The following PCMTD1 variants were observed in gnomAD, a reference collection of about 807,000 sequenced individuals.
PCMTD1 encodes the protein protein-L-isoaspartate (D-aspartate) O-methyltransferase domain containing 1.
Under a neutral mutation model 37.6 loss-of-function variants are expected in PCMTD1, and 12 were observed. The ratio of observed to expected loss-of-function variants is 0.32; its 90% confidence interval spans 0.20 to 0.52. The LOEUF is 0.52. Among genes scored for constraint, PCMTD1 ranks in the 20% least tolerant of loss-of-function variants. PCMTD1 has a pLI of 0.97. For synonymous variants in PCMTD1, 117 were observed against 135.8 expected, an observed-to-expected ratio of 0.86 and a Z score of 0.96; for missense variants, 235 against 421.3, an observed-to-expected ratio of 0.56 and a Z score of 3.87.
At chr8:51,888,740 T>C (rs755284775) in intron 1 of PCMTD1, among the ~76,000 whole-genome samples, 4 of 152,222 alleles carry the variant, frequency 2.6e-5, no homozygotes, top group Admixed American at 6.5e-5. Flanking sequence ...AAAATACTCC[T>C]TTAAGTTGCA....
intron 1 of PCMTD1, among the ~76,000 whole-genome samples, chr8:51,875,067 CA>C (rs1433501900): frequency 1.3e-5 from 2 of 151,914 alleles, no homozygotes; most frequent in Non-Finnish European, 2.9e-5. Flanking sequence ...AATACAAGGC[CA>C]AAAAGATCTA....
intron 1 of PCMTD1, among the ~76,000 whole-genome samples, chr8:51,880,891 T>C (rs2038781382): frequency 1.3e-5 from 2 of 152,250 alleles, no homozygotes; most frequent in Non-Finnish European, 2.9e-5. Flanking sequence ...TTTGTTCCAA[T>C]ACAATTTTAT....
In PCMTD1 at chr8:51,847,198, A is replaced by T. The variant is rs371068118; in HGVS notation, c.308-1435T>A. On this transcript the variant is annotated intron_variant, in intron 2 of 5. Transcript: ENST00000522514. ...ATTTTTATATTCAAAATAATAAAGC[A>T]GCCAAAAAATTAAACTTAGAAAAGC... Among the ~76,000 whole-genome samples, 8 of 152,364 alleles carry T rather than the reference A, an allele frequency of 5.3e-5. No homozygotes were observed. In the East Asian group the frequency reaches 7.7e-4, roughly 15 times the overall value.
chr8:51,877,453 A>G (rs2038728808), intron 1 of PCMTD1, among the ~76,000 whole-genome samples: 1 of 152,258 alleles, frequency 6.6e-6, no homozygotes, highest in Admixed American at 6.5e-5. Context: ...TGGATTCAGT[A>G]TAAGCATGCT....
intron 1 of PCMTD1, among the ~76,000 whole-genome samples, chr8:51,895,088 C>T (rs570333069): frequency 6.6e-6 from 1 of 152,062 alleles, no homozygotes; most frequent in African/African-American, 2.4e-5. Flanking sequence ...GTTGAAACCA[C>T]GGATCTGTGT....
intron 2 of PCMTD1, among the ~76,000 whole-genome samples, chr8:51,850,499 A>G (rs868809819): frequency 6.6e-6 from 1 of 152,226 alleles, no homozygotes; most frequent in Non-Finnish European, 1.5e-5. Flanking sequence ...CAGGGTCTGC[A>G]GATAATCCTA....
intron 5 of PCMTD1, among the ~76,000 whole-genome samples, chr8:51,827,987 C>CTA (rs34832543): frequency 0.69 from 104,515 of 152,044 alleles, 42,370 homozygotes; most frequent in Non-Finnish European, 0.9. Flanking sequence ...AGCATATTAT[C>CTA]TGTCATTAAT....
At chr8:51,877,569 T>TAC (rs1554525589) in intron 1 of PCMTD1, among the ~76,000 whole-genome samples, 1 of 149,050 alleles carries the variant, frequency 6.7e-6, no homozygotes, top group Non-Finnish European at 1.5e-5. Flanking sequence ...GTCTTTGAAT[T>TAC]AATTTTGCTT....
chr8:51,899,087 T>G, upstream of PCMTD1: 1 of 1,482,264 alleles, frequency 6.7e-7, no homozygotes. Flanking sequence ...CCTCCCGGAC[T>G]CCGGAGCCGC....
At position 51,860,699 on chromosome 8, in the gene PCMTD1, T is replaced by C. The variant is rs919449669; in HGVS notation, c.307+146A>G. The C allele has an allele frequency of 7.5e-6, 5 of 666,092 alleles. No individual in the cohort carries two copies. In the East Asian group the frequency reaches 1.4e-4, roughly 18 times the overall value. The allele number at this position is 666,092 out of a possible 1,614,324, so 41.3% of individuals were successfully genotyped here. On this transcript the variant is annotated intron_variant, in intron 2 of 5. Coordinates refer to ENST00000522514, the MANE Select transcript of PCMTD1 (RefSeq NM_052937.4). ...ATGAAAAAAGATTACTACTACTTTG[T>C]GTTTTCACATCTAAGTAAGGAAGAT...
intron 2 of PCMTD1, among the ~76,000 whole-genome samples, chr8:51,858,790 A>C (rs1250444376): frequency 1.3e-5 from 2 of 152,206 alleles, no homozygotes; most frequent in East Asian, 3.9e-4. Flanking sequence ...TCCAGGAGCC[A>C]CTGCCATATA....
At position 51,820,246 on chromosome 8, in the gene PCMTD1, A is replaced by G. The variant is rs2037823297; in HGVS notation, c.*105T>C. On this transcript the variant is annotated 3_prime_UTR_variant, in exon 6 of 6. Transcript: ENST00000522514. Reference sequence around the variant, plus strand: ...AAACAAGTGATTTTTTTTCCACTATAATTTGCTCTGATGAAAGAAATAATT... The same window carrying G: ...AAACAAGTGATTTTTTTTCCACTATGATTTGCTCTGATGAAAGAAATAATT... 8 of 1,062,460 alleles carry G rather than the reference A, an allele frequency of 7.5e-6. No individual in the cohort carries two copies. In the African/African-American group the frequency reaches 9.9e-5, roughly 13 times the overall value. 65.8% of individuals were successfully genotyped at this position (1,062,460 alleles called of 1,614,324 possible). A position where few individuals can be genotyped will look rare whatever the true frequency, so the allele number is the denominator to read the frequency against.
intron 1 of PCMTD1, among the ~76,000 whole-genome samples, chr8:51,868,954 T>C (rs1236565663): frequency 6.6e-6 from 1 of 152,174 alleles, no homozygotes; most frequent in Non-Finnish European, 1.5e-5. Context: ...TATTATACTG[T>C]ATATATTGTT....
Position 51,899,012 on chromosome 8 carries a change from A to C in PCMTD1, c.-178T>G, listed in dbSNP as rs1468198998. 1.3e-6 allele frequency: 2 copies of C among 1,512,756 alleles called. No individual in the cohort carries two copies. The highest frequency in any genetic ancestry group is 1.8e-6 in the Non-Finnish European group (2 of 1,137,510). The allele number at this position is 1,512,756 out of a possible 1,614,324, so 93.7% of individuals were successfully genotyped here. On this transcript the variant is annotated 5_prime_UTR_variant, in exon 1 of 6. Coordinates refer to ENST00000522514, the MANE Select transcript of PCMTD1 (RefSeq NM_052937.4). ...AGCCAGACGCCGCTACCACCACAAT[A>C]ACAACACGGACGCCACCGCCGAGTG...
At chr8:51,861,787 T>A (rs914904127) in intron 1 of PCMTD1, among the ~76,000 whole-genome samples, 5 of 151,910 alleles carry the variant, frequency 3.3e-5, no homozygotes, top group African/African-American at 1.2e-4. Context: ...AGTGGTATGA[T>A]CTTGGCTCAT....
At chr8:51,898,378 C>T (rs1304373233) in intron 1 of PCMTD1, among the ~76,000 whole-genome samples, 1 of 152,094 alleles carries the variant, frequency 6.6e-6, no homozygotes, top group African/African-American at 2.4e-5. Flanking sequence ...CTCAAAAACA[C>T]AAAAAGAGGC....
intron 1 of PCMTD1, among the ~76,000 whole-genome samples, chr8:51,879,076 T>C (rs1210087878): frequency 6.6e-6 from 1 of 152,004 alleles, no homozygotes; most frequent in Non-Finnish European, 1.5e-5. Context: ...CAGTGGGCCG[T>C]AGTCATGCCA....
chr8:51,896,166 G>C (rs1036498648), intron 1 of PCMTD1: 2 of 151,636 alleles, frequency 1.3e-5, no homozygotes, highest in South Asian at 2.1e-4. Context: ...GGCTGGACTC[G>C]AACTCCTGAC....
At chr8:51,872,029 C>G (rs1201350884) in intron 1 of PCMTD1, among the ~76,000 whole-genome samples, 2 of 152,282 alleles carry the variant, frequency 1.3e-5, no homozygotes, top group South Asian at 2.1e-4. Flanking sequence ...GGCTTGGAAA[C>G]AGTGTGAACT....
Sources: gnomAD v4.1 joint callset for allele counts (sites outside exome capture counted in the v4.1 genomes callset) on GRCh38, gnomAD v4.1.1 for gene constraint, MANE v1.5 for transcripts, NCBI Gene and HGNC (gene_info 2026-07-23, HGNC 2026-07-21) for gene names.